Variants in ZC3H18 observed in about 807,000 individuals in gnomAD.
ZC3H18 encodes the protein zinc finger CCCH-type containing 18.
In ZC3H18, 8 loss-of-function variants were observed where a neutral mutation model predicts 106.1. The observed-to-expected ratio is 0.08, with a 90% CI of 0.04 to 0.14. ZC3H18 has a LOEUF of 0.14. ZC3H18 is among the 10% of genes least tolerant of loss of function. ZC3H18 has a pLI of 1.00. For missense variants in ZC3H18, 1,318 were observed against 1,278.4 expected, an observed-to-expected ratio of 1.03 and a Z score of -0.47; for synonymous variants, 635 against 522.1, an observed-to-expected ratio of 1.22 and a Z score of -2.95.
chr16:88,624,758 G>A lies in ZC3H18; in HGVS notation c.2042+13G>A. On this transcript the variant is annotated intron_variant, in intron 12 of 17. Coordinates refer to ENST00000301011, the MANE Select transcript of ZC3H18 (RefSeq NM_144604.4). ...CCCCCCCCAGGAGGTGAGCACTCCG[G>A]CGTCCGGGGCCCTCAGGCTTTCCGT... The A allele has an allele frequency of 6.2e-7, 1 of 1,602,482 alleles. No homozygotes were observed. Among genetic ancestry groups the A allele is most frequent in the South Asian group, 1.1e-5 (1 of 90,034 alleles).
intron 3 of ZC3H18, among the ~76,000 whole-genome samples, chr16:88,593,485 C>A (rs1182406927): frequency 6.6e-6 from 1 of 152,182 alleles, no homozygotes; most frequent in Non-Finnish European, 1.5e-5. Context: ...TTGGAATTTT[C>A]GATTTAGTAT....
intron 2 of ZC3H18, among the ~76,000 whole-genome samples, chr16:88,581,975 G>A (rs1049285391): frequency 6.6e-6 from 1 of 152,116 alleles, no homozygotes; most frequent in Non-Finnish European, 1.5e-5. Flanking sequence ...CCGTCACCTG[G>A]AGCACACTGG....
intron 3 of ZC3H18, among the ~76,000 whole-genome samples, chr16:88,590,606 G>A (rs1477977393): frequency 1.6e-5 from 2 of 123,146 alleles, no homozygotes; most frequent in African/African-American, 3.1e-5. Context: ...TCTGTCACCC[G>A]GGCTGGAGTG....
intron 3 of ZC3H18, among the ~76,000 whole-genome samples, chr16:88,587,141 G>C (rs1430617444): frequency 3.3e-5 from 5 of 152,244 alleles, no homozygotes; most frequent in Non-Finnish European, 7.3e-5. Context: ...GAAATGGCCA[G>C]AGATGGCCGC....
chr16:88,592,640 A>C (rs554253190), intron 3 of ZC3H18, among the ~76,000 whole-genome samples: 1 of 152,118 alleles, frequency 6.6e-6, no homozygotes, highest in Admixed American at 6.5e-5. Context: ...ATGCCTGGCT[A>C]ATTTTTGTAT....
Position 88,599,901 on chromosome 16 carries a change from T to C in ZC3H18, c.1041T>C (p.Val347=). Residue 347 remains valine (V), a synonymous_variant, in exon 6 of 18, where the codon GTT becomes GTC. Coordinates refer to ENST00000301011, the MANE Select transcript of ZC3H18 (RefSeq NM_144604.4). ...DEREFDKENE[V]FRDWNSRIPR... is the part of the protein sequence containing the mutation. ...GGGAATTTGACAAAGAAAATGAAGT[T>C]TTTCGAGATTGGAATTCTCGGATCC... 1 of 1,614,104 alleles carries C rather than the reference T, an allele frequency of 6.2e-7. No individual in the cohort carries two copies.
intron 2 of ZC3H18, among the ~76,000 whole-genome samples, chr16:88,585,415 G>A (rs1214820774): frequency 2.0e-5 from 3 of 152,186 alleles, no homozygotes; most frequent in Non-Finnish European, 4.4e-5. Context: ...GCAACTTGGC[G>A]ATGGGCCTGC....
At chr16:88,594,482 T>C (rs1280100801) in intron 3 of ZC3H18, among the ~76,000 whole-genome samples, 1 of 152,238 alleles carries the variant, frequency 6.6e-6, no homozygotes, top group East Asian at 1.9e-4. Flanking sequence ...CTGCCACCTC[T>C]GTGTTTAGTT....
chr16:88,615,974 C>T (rs1324449606), intron 8 of ZC3H18, among the ~76,000 whole-genome samples: 1 of 152,186 alleles, frequency 6.6e-6, no homozygotes, highest in African/African-American at 2.4e-5. Flanking sequence ...TAGTGACCCG[C>T]GGAATGGGAG....
chr16:88,627,517 A>C lies in ZC3H18; in HGVS notation c.2109-105A>C. On this transcript the variant is annotated intron_variant, in intron 13 of 17. Coordinates refer to ENST00000301011, the MANE Select transcript of ZC3H18 (RefSeq NM_144604.4). This position sits in a 1 kb window ranked among gnomAD's most constrained non-coding sequence, Gnocchi z 4.5. The stretch of plus-strand genomic sequence containing the variant: ...CCAAAATCACACATTCCGTGGGTAC[A>C]TGATCCATAAATGGACACTGCGTAA... The C allele has an allele frequency of 1.4e-6, 2 of 1,455,076 alleles. No homozygotes were observed. Among genetic ancestry groups the C allele is most frequent in the Non-Finnish European group, 1.9e-6 (2 of 1,079,338 alleles). 90.1% of individuals were successfully genotyped at this position (1,455,076 alleles called of 1,614,324 possible).
intron 3 of ZC3H18, among the ~76,000 whole-genome samples, chr16:88,592,360 A>C (rs532800794): frequency 2.6e-5 from 4 of 151,982 alleles, no homozygotes; most frequent in African/African-American, 7.3e-5. Flanking sequence ...TCCTTGCAAA[A>C]CTGTGTTTAA....
intron 2 of ZC3H18, among the ~76,000 whole-genome samples, chr16:88,581,061 G>C (rs1369349568): frequency 2.6e-5 from 4 of 152,192 alleles, no homozygotes; most frequent in Admixed American, 2.6e-4. Flanking sequence ...CTACCCCTTG[G>C]CACCCTGGTC....
intron 1 of ZC3H18, among the ~76,000 whole-genome samples, chr16:88,576,432 G>C (rs1326761805): frequency 3.3e-5 from 5 of 152,176 alleles, no homozygotes; most frequent in African/African-American, 1.2e-4. Context: ...TGGGAAGAGG[G>C]GTTCTCAACT....
At chr16:88,613,841 C>T (rs961225701) in intron 8 of ZC3H18, among the ~76,000 whole-genome samples, 3 of 152,184 alleles carry the variant, frequency 2.0e-5, no homozygotes, top group Non-Finnish European at 4.4e-5. Context: ...TAAAGATTTA[C>T]TGCCGTGTTC....
intron 6 of ZC3H18, among the ~76,000 whole-genome samples, chr16:88,600,620 C>G (rs1278688949): frequency 1.3e-5 from 2 of 152,178 alleles, no homozygotes; most frequent in South Asian, 2.1e-4. Context: ...ACCATGTTGG[C>G]CAGGATGGTC....
rs758715966 is a variant in ZC3H18, at chr16:88,624,094, C to T, written c.1898+32C>T. ...GCCCAGCCTGTGGGCAAGTCCTGGC[C>T]GGCCAGGCCTCCACAGGCTGCAGCC... is the stretch of plus-strand genomic sequence containing the variant. On this transcript the variant is annotated intron_variant, in intron 11 of 17. Coordinates refer to ENST00000301011, the MANE Select transcript of ZC3H18 (RefSeq NM_144604.4). The T allele has an allele frequency of 1.2e-5, 19 of 1,610,380 alleles. No individual in the cohort carries two copies. In the Middle Eastern group the frequency reaches 5.0e-4, roughly 42 times the overall value.
chr16:88,590,877 A>G (rs1915710941), intron 3 of ZC3H18, among the ~76,000 whole-genome samples: 1 of 149,530 alleles, frequency 6.7e-6, no homozygotes, highest in African/African-American at 2.5e-5. Context: ...TGGGCTTCTG[A>G]TTTATCCCTC....
At chr16:88,630,406 C>T (rs1193250042) in intron 16 of ZC3H18, 79 bp from the exon 17 acceptor site, 4 of 1,118,940 alleles carry the variant, frequency 3.6e-6, no homozygotes, top group Non-Finnish European at 5.3e-6. Context: ...AGAAGTGAGT[C>T]CCTGGCATCG....
intron 1 of ZC3H18, among the ~76,000 whole-genome samples, chr16:88,570,964 G>A (rs1245480237): frequency 1.3e-5 from 2 of 152,256 alleles, no homozygotes; most frequent in Non-Finnish European, 2.9e-5. Flanking sequence ...CCGGGCTGCT[G>A]CTGGGCTCTT....
Sources: allele counts gnomAD v4.1 joint callset (sites outside exome capture counted in the v4.1 genomes callset), GRCh38; gene constraint gnomAD v4.1.1; non-coding constraint Gnocchi (gnomAD v3.1); transcripts MANE v1.5; gene names NCBI Gene and HGNC (gene_info 2026-07-23, HGNC 2026-07-21).